UBR4: variants seen among roughly 807,000 people sequenced by gnomAD.
UBR4 encodes ubiquitin protein ligase E3 component n-recognin 4, also known as E3 ubiquitin-protein ligase UBR4.
UBR4 carries 124 observed loss-of-function variants against 575.6 expected under a neutral mutation model. The ratio of observed to expected loss-of-function variants is 0.22; its 90% CI spans 0.19 to 0.25. The LOEUF is 0.25. UBR4 is among the 10% of genes least tolerant of loss of function. The pLI is 1.00. For missense variants in UBR4, 4,818 were observed against 6,478.8 expected, an observed-to-expected ratio of 0.74 and a Z score of 8.80; for synonymous variants, 2,455 against 2,473.7, an observed-to-expected ratio of 0.99 and a Z score of 0.22.
chr1:19,160,191 C>A lies in UBR4; in HGVS notation c.5497G>T (p.Gly1833Trp). The part of the protein sequence containing the change: ...QTNFQQASAV[G>W]SSSRAQQALS... ...GCTTGCTGAGCACGGCTGCTGCTCC[C>A]GACGGCTGAAGCTTGCTGGAAGTTG... The change falls in exon 39 of 106, where the codon GGG (glycine) becomes TGG (tryptophan). Residue 1833 changes from glycine to tryptophan, a missense_variant. Around this residue, in one of 29 missense-constraint regions of UBR4, gnomAD observed 159 missense variants for 174.6 expected, o/e 0.91. Transcript: ENST00000375254. 1 of 1,613,876 alleles carries A rather than the reference C, an allele frequency of 6.2e-7. No individual in the cohort carries two copies. The highest frequency in any genetic ancestry group is 2.2e-5 in the East Asian group (1 of 44,860).
intron 44 of UBR4, 106 bp from the exon 45 acceptor site, chr1:19,154,045 T>C: frequency 1.0e-5 from 13 of 1,273,198 alleles, no homozygotes; most frequent in Non-Finnish European, 1.3e-5. Flanking sequence ...TCCAAAGCAA[T>C]ATCCTTGGCC....
chr1:19,149,763 C>A (rs1158731783), intron 49 of UBR4: 1 of 1,301,480 alleles, frequency 7.7e-7, no homozygotes, highest in Non-Finnish European at 1.0e-6. Context: ...GCATACTAAC[C>A]GGTCCAGCTT....
Position 19,186,534 on chromosome 1 carries a change from C to T in UBR4, c.1750+6G>A. ...TCTCTGGGAGAGAGAAAAGAGCGGC[C>T]TCTACCTTGGCTGCTGTCCTCCTCC... On this transcript the variant is annotated splice_donor_region_variant and intron_variant, in intron 14 of 105. Coordinates refer to ENST00000375254, the MANE Select transcript of UBR4 (RefSeq NM_020765.3). 6.2e-7 allele frequency: 1 copy of T among 1,613,358 alleles called. No individual in the cohort carries two copies. Among genetic ancestry groups the T allele is most frequent in the Non-Finnish European group, 8.5e-7 (1 of 1,179,506 alleles).
chr1:19,143,255 GAAGGAAGAAAGA>G (rs1467066529), intron 55 of UBR4, among the ~76,000 whole-genome samples: 2,630 of 100,696 alleles, frequency 0.026, 28 homozygotes, highest in East Asian at 0.049. Context: ...AGGAAGGAAG[GAAGGAAGAAAGA>G]AAGAAAGAAA....
chr1:19,146,426 ACT>A (rs1304370257), intron 52 of UBR4, among the ~76,000 whole-genome samples: 1 of 152,236 alleles, frequency 6.6e-6, no homozygotes, highest in Admixed American at 6.5e-5. Context: ...AGCACTGAGC[ACT>A]GAGAAAGTTG....
chr1:19,085,210 T>C (rs1449569071), intron 101 of UBR4, among the ~76,000 whole-genome samples: 1 of 152,240 alleles, frequency 6.6e-6, no homozygotes, highest in East Asian at 1.9e-4. Context: ...CTGCATCTCA[T>C]CTGTACAATG....
rs2092133907 is a variant in UBR4, at chr1:19,192,132, TATAAA to T, written c.1394+51_1394+55del. 1.9e-6 allele frequency: 3 copies of T among 1,570,246 alleles called. No individual in the cohort carries two copies. In the East Asian group the frequency reaches 6.8e-5, roughly 35 times the overall value. ...TGAAGTCATACTAGCTCCCTGTAAA[TATAAA>T]ATGTTAGCGAAATAAAACAAAATAT... On this transcript the variant is annotated intron_variant, in intron 11 of 105. Transcript: ENST00000375254.
chr1:19,093,220 A>C lies in UBR4; in HGVS notation c.14111+93T>G. On this transcript the variant is annotated intron_variant, in intron 96 of 105. Transcript: ENST00000375254. The surrounding 1 kb of genome is among the most constrained non-coding windows in gnomAD (Gnocchi z 4.8). ...GGAGGCCCCAAGGAGGGCAAGGGGC[A>C]CACGTGAAGCTTTATGCCAAGATGC... is the stretch of plus-strand genomic sequence containing the variant. 3.4e-6 allele frequency: 5 copies of C among 1,476,816 alleles called. No homozygotes were observed. The highest frequency in any genetic ancestry group is 4.6e-6 in the Non-Finnish European group (5 of 1,083,956). 91.5% of individuals were successfully genotyped at this position (1,476,816 alleles called of 1,614,324 possible).
chr1:19,175,534 C>T (rs1448781515), intron 20 of UBR4, among the ~76,000 whole-genome samples: 1 of 152,120 alleles, frequency 6.6e-6, no homozygotes, highest in Non-Finnish European at 1.5e-5. Context: ...CAAACACACA[C>T]TAAAAATGAA....
intron 21 of UBR4, 102 bp downstream of exon 21, chr1:19,174,852 C>G: frequency 2.8e-6 from 3 of 1,053,630 alleles, no homozygotes; most frequent in Non-Finnish European, 4.2e-6. Context: ...GACCACATTT[C>G]CTCACTATAA....
At chr1:19,143,868 TAA>T (rs1246196620) in intron 55 of UBR4, 110 bp downstream of exon 55, 12 of 901,800 alleles carry the variant, frequency 1.3e-5, no homozygotes, top group African/African-American at 3.3e-5. Flanking sequence ...GACAGATACA[TAA>T]AGTCTCCAGG....
chr1:19,205,436 C>T (rs2092956487), intron 1 of UBR4, among the ~76,000 whole-genome samples: 1 of 152,144 alleles, frequency 6.6e-6, no homozygotes, highest in Non-Finnish European at 1.5e-5. Context: ...GTTTCATGTA[C>T]TCTCTAGTAT....
chr1:19,205,857 G>A (rs1293505797), intron 1 of UBR4, among the ~76,000 whole-genome samples: 1 of 152,128 alleles, frequency 6.6e-6, no homozygotes, highest in African/African-American at 2.4e-5. Context: ...ACCTCGAACA[G>A]GTTTATCATT....
chr1:19,110,274 G>A lies in UBR4; in HGVS notation c.11978-51C>T. On this transcript the variant is annotated intron_variant, in intron 80 of 105. Transcript: ENST00000375254. The surrounding 1 kb of genome is among the most constrained non-coding windows in gnomAD (Gnocchi z 4.5). ...TCACAATCAGGAACACTACACATCT[G>A]CTCTGCAGAGGCCGCCCAAGCATCA... The A allele has an allele frequency of 6.2e-7, 1 of 1,613,712 alleles. No homozygotes were observed. The highest frequency in any genetic ancestry group is 1.1e-5 in the South Asian group (1 of 91,054).
chr1:19,151,852 C>A lies in UBR4; in HGVS notation c.7004G>T (p.Gly2335Val). 1 of 1,592,910 alleles carries A rather than the reference C, an allele frequency of 6.3e-7. No homozygotes were observed. The highest frequency in any genetic ancestry group is 1.1e-5 in the South Asian group (1 of 87,920). ...GTTGTTACTAATCTCAATGGTGAAG[C>A]CTCCGGGCTGTAGGGAGACAAGGCA... ...GMYVANTKPG[G>V]FTIEISNNNS... The change falls in exon 48 of 106, where the codon GGC (glycine) becomes GTC (valine). Residue 2335 changes from glycine to valine, a missense_variant. Transcript: ENST00000375254.
chr1:19,194,526 GC>G (rs1432430461), intron 8 of UBR4, among the ~76,000 whole-genome samples: 2 of 152,154 alleles, frequency 1.3e-5, no homozygotes, highest in African/African-American at 4.8e-5. Flanking sequence ...TTAAGGCTGG[GC>G]GCGGTGGCTC....
chr1:19,153,757 C>A lies in UBR4; in HGVS notation c.6630+11G>T. ...ACAGCAAAGTAATGAATGGGAAAATCTGGCACTGACCTTCGCTTTAGCAGG... is the reference window on the plus strand; with the variant it reads ...ACAGCAAAGTAATGAATGGGAAAATATGGCACTGACCTTCGCTTTAGCAGG... On this transcript the variant is annotated intron_variant, in intron 45 of 105. Coordinates refer to ENST00000375254, the MANE Select transcript of UBR4 (RefSeq NM_020765.3). The surrounding 1 kb of genome is among the most constrained non-coding windows in gnomAD (Gnocchi z 4.1). 6.8e-6 allele frequency: 11 copies of A among 1,611,146 alleles called. No individual in the cohort carries two copies. Among genetic ancestry groups the A allele is most frequent in the Non-Finnish European group, 8.5e-6 (10 of 1,178,648 alleles).
At chr1:19,140,945 GC>G in intron 57 of UBR4, 53 bp from the exon 58 acceptor site, 1 of 1,538,224 alleles carries the variant, frequency 6.5e-7, no homozygotes, top group Non-Finnish European at 8.8e-7. Context: ...CCCATCCACA[GC>G]GCTGCTTTGG....
In UBR4 at chr1:19,081,535, C is replaced by T. The variant is rs369049503; in HGVS notation, c.15047G>A (p.Gly5016Asp). 6.2e-7 allele frequency: 1 copy of T among 1,613,978 alleles called. No homozygotes were observed. The highest frequency in any genetic ancestry group is 8.5e-7 in the Non-Finnish European group (1 of 1,180,026). ...CTTCTCCTTGGGCTGTTCCAGAAAGCCTTGGAGGTTCTTCTCTTCTCGGGA... is the reference window on the plus strand; with the variant it reads ...CTTCTCCTTGGGCTGTTCCAGAAAGTCTTGGAGGTTCTTCTCTTCTCGGGA... ...ATSREEKNLQGFLEQPKEKWV... is the reference protein window; with the variant it reads ...ATSREEKNLQDFLEQPKEKWV... Residue 5016 changes from glycine to aspartate, a missense_variant, in exon 103 of 106, where the codon GGC becomes GAC. By Grantham distance (94) the Gly-to-Asp change is moderately conservative. Around this residue, in one of 29 missense-constraint regions of UBR4, gnomAD observed 212 missense variants for 221.3 expected, o/e 0.96. Transcript: ENST00000375254.
Sources: gnomAD v4.1 joint callset for allele counts (sites outside exome capture counted in the v4.1 genomes callset) on GRCh38, gnomAD v4.1.1 for gene constraint, gnomAD v4.1.1 regional missense constraint, Gnocchi (gnomAD v3.1) non-coding constraint, MANE v1.5 for transcripts, NCBI Gene and HGNC (gene_info 2026-07-23, HGNC 2026-07-21) for gene names.